Variants in CSPP1 observed in about 807,000 individuals in gnomAD.
CSPP1 encodes the protein centrosome and spindle pole-associated protein 1.
In CSPP1, 126 loss-of-function variants were observed where a neutral mutation model predicts 164.4. The observed-to-expected ratio is 0.77, with a 90% CI of 0.66 to 0.89. The LOEUF (loss-of-function observed/expected upper bound fraction) is 0.89, where lower values mean the gene tolerates loss of function less well. Ranked by LOEUF, CSPP1 falls within the 40% of genes least tolerant of loss-of-function variation. CSPP1 has a pLI of 0.00. For synonymous variants in CSPP1, 472 were observed against 476.7 expected (o/e 0.99, Z 0.13); for missense variants, 1,395 against 1,449.8 (o/e 0.96, Z 0.61).
intron 17 of CSPP1, among the ~76,000 whole-genome samples, chr8:67,138,272 G>T (rs1822767411): frequency 6.6e-6 from 1 of 152,122 alleles, no homozygotes. Context: ...CAAATCCATG[G>T]ATGCTCAAGT....
chr8:67,132,975 G>T (rs777551108), intron 16 of CSPP1, among the ~76,000 whole-genome samples: 1 of 152,044 alleles, frequency 6.6e-6, no homozygotes, highest in South Asian at 2.1e-4. Context: ...TTTTACATGG[G>T]CAACTTTCTT....
chr8:67,136,307 C>T (rs1234809796), intron 16 of CSPP1, among the ~76,000 whole-genome samples: 1 of 151,998 alleles, frequency 6.6e-6, no homozygotes, highest in Non-Finnish European at 1.5e-5. Flanking sequence ...CGTGGTGGCT[C>T]ACGCCTGTAA....
At chr8:67,173,188 G>A (rs1030401566) in intron 25 of CSPP1, among the ~76,000 whole-genome samples, 4 of 152,086 alleles carry the variant, frequency 2.6e-5, no homozygotes, top group African/African-American at 9.7e-5. Flanking sequence ...ATGTGAACGT[G>A]AGGAGCTATG....
intron 1 of CSPP1, chr8:67,064,981 C>T (rs1266180584): frequency 1.3e-5 from 2 of 155,982 alleles, no homozygotes; most frequent in African/African-American, 4.8e-5. Flanking sequence ...TAGTCAGCCA[C>T]CTCCAGGGCC....
chr8:67,152,163 A>G (rs1411034220), intron 18 of CSPP1, among the ~76,000 whole-genome samples: 2 of 151,996 alleles, frequency 1.3e-5, no homozygotes, highest in African/African-American at 4.8e-5. Context: ...AAAGCCACCT[A>G]ATTTTGTGCT....
intron 9 of CSPP1, among the ~76,000 whole-genome samples, chr8:67,109,994 A>G (rs1048295276): frequency 6.6e-6 from 1 of 151,950 alleles, no homozygotes; most frequent in Non-Finnish European, 1.5e-5. Context: ...TCTTGTTTGT[A>G]TAACTGTGGG....
At chr8:67,104,975 T>A (rs1336565872) in intron 8 of CSPP1, among the ~76,000 whole-genome samples, 6 of 144,670 alleles carry the variant, frequency 4.1e-5, no homozygotes, top group African/African-American at 1.3e-4. Flanking sequence ...TATTTTTTTT[T>A]TTTTTTTTTT....
intron 17 of CSPP1, among the ~76,000 whole-genome samples, chr8:67,148,075 T>C (rs1272476438): frequency 6.6e-6 from 1 of 151,546 alleles, no homozygotes; most frequent in Non-Finnish European, 1.5e-5. Flanking sequence ...CATGCCATCA[T>C]GCCCAGCTAA....
chr8:67,159,002 A>C lies in CSPP1; in HGVS notation c.2403A>C (p.Lys801Asn). 6.3e-7 allele frequency: 1 copy of C among 1,598,868 alleles called. No homozygotes were observed. Among genetic ancestry groups the C allele is most frequent in the Non-Finnish European group, 8.5e-7 (1 of 1,174,872 alleles). ...TTTTTATTTTAAAGCAAAGGCTAAAAAATGAAGAGCATATTCGGTTAGCTG... is the reference window on the plus strand; with the variant it reads ...TTTTTATTTTAAAGCAAAGGCTAAACAATGAAGAGCATATTCGGTTAGCTG... ...KREKEEEQRL[K>N]NEEHIRLAEE... The change falls in exon 21 of 31, where the codon AAA becomes AAC. Residue 801 changes from lysine (K) to asparagine (N), a missense_variant. By Grantham distance (94) the Lys-to-Asn change is moderately conservative (BLOSUM62 0). Coordinates refer to ENST00000678616, the MANE Select transcript of CSPP1 (RefSeq NM_001382391.1).
intron 3 of CSPP1, among the ~76,000 whole-genome samples, chr8:67,084,618 A>G (rs1286005204): frequency 6.6e-6 from 1 of 152,096 alleles, no homozygotes; most frequent in Admixed American, 6.6e-5. Context: ...GCATGCCTGT[A>G]GTCCTAGCTA....
At chr8:67,067,076 C>T (rs1361425606) in intron 1 of CSPP1, among the ~76,000 whole-genome samples, 2 of 152,108 alleles carry the variant, frequency 1.3e-5, no homozygotes, top group Admixed American at 6.5e-5. Flanking sequence ...TTTTTGACTA[C>T]GCCAGCCTCT....
At chr8:67,069,949 C>T (rs1263609426) in intron 1 of CSPP1, among the ~76,000 whole-genome samples, 3 of 151,894 alleles carry the variant, frequency 2.0e-5, no homozygotes, top group East Asian at 1.9e-4. Flanking sequence ...CGTGAGCCAC[C>T]GCCCCCAACC....
chr8:67,146,115 T>G (rs1371609331), intron 17 of CSPP1, among the ~76,000 whole-genome samples: 1 of 150,492 alleles, frequency 6.6e-6, no homozygotes, highest in Non-Finnish European at 1.5e-5. Flanking sequence ...TAAGAGAATA[T>G]ACTTTTCTTT....
At chr8:67,146,817 T>G (rs1824684175) in intron 17 of CSPP1, among the ~76,000 whole-genome samples, 1 of 152,242 alleles carries the variant, frequency 6.6e-6, no homozygotes, top group Admixed American at 6.5e-5. Context: ...CTCCTAATTT[T>G]ATATTGAATG....
chr8:67,159,915 T>C (rs1380759658), intron 21 of CSPP1, among the ~76,000 whole-genome samples: 13 of 64,348 alleles, frequency 2.0e-4, no homozygotes, highest in South Asian at 6.5e-4. Flanking sequence ...TTTCTTTCTT[T>C]CTTTCTTTCC....
At chr8:67,093,422 G>A in intron 5 of CSPP1, 121 bp from the exon 6 acceptor site, 1 of 603,518 alleles carries the variant, frequency 1.7e-6, no homozygotes, top group Non-Finnish European at 2.9e-6. Flanking sequence ...TATTAGTAAA[G>A]CTTGATTCTG....
chr8:67,080,062 A>G (rs943891491), intron 3 of CSPP1, among the ~76,000 whole-genome samples: 1 of 152,230 alleles, frequency 6.6e-6, no homozygotes, highest in Non-Finnish European at 1.5e-5. Flanking sequence ...GCATTTAGTT[A>G]CTGACCTCCT....
intron 15 of CSPP1, among the ~76,000 whole-genome samples, chr8:67,129,632 GGATA>G (rs1203581162): frequency 1.3e-5 from 2 of 152,084 alleles, no homozygotes; most frequent in Admixed American, 1.3e-4. Context: ...GTGAGTGAAT[GGATA>G]AACAAAATGT....
At chr8:67,193,127 TTC>T (rs1158396176) in intron 29 of CSPP1, among the ~76,000 whole-genome samples, 21 of 152,202 alleles carry the variant, frequency 1.4e-4, no homozygotes, top group African/African-American at 5.1e-4. Flanking sequence ...GCTGGTTTTT[TTC>T]TTTTTTTTTG....
Sources: allele counts gnomAD v4.1 joint callset (sites outside exome capture counted in the v4.1 genomes callset), GRCh38; gene constraint gnomAD v4.1.1; transcripts MANE v1.5; gene names NCBI Gene and HGNC (gene_info 2026-07-23, HGNC 2026-07-21).